The following MRPL48 variants were observed in gnomAD, a reference collection of about 807,000 sequenced individuals.
The protein encoded by MRPL48 is large ribosomal subunit protein mL48.
In MRPL48, 16 loss-of-function variants were observed where a neutral mutation model predicts 32.9. That is an observed-to-expected ratio of 0.49 (90% CI 0.33 to 0.74). The LOEUF (loss-of-function observed/expected upper bound fraction) is 0.74. Among genes scored for constraint, MRPL48 ranks in the 30% least tolerant of loss-of-function variants. The pLI is 0.02. For synonymous variants in MRPL48, 94 were observed against 89.2 expected, an observed-to-expected ratio of 1.05 and a Z score of -0.31; for missense variants, 206 against 245.3, an observed-to-expected ratio of 0.84 and a Z score of 1.07.
intron 5 of MRPL48, among the ~76,000 whole-genome samples, chr11:73,858,705 G>C (rs953320514): frequency 6.6e-6 from 1 of 152,182 alleles, no homozygotes; most frequent in African/African-American, 2.4e-5. Flanking sequence ...TGAACTTTTT[G>C]ATAAGATGAA....
chr11:73,830,700 AC>A (rs1947977201), intron 4 of MRPL48, among the ~76,000 whole-genome samples: 1 of 151,918 alleles, frequency 6.6e-6, no homozygotes, highest in African/African-American at 2.4e-5. Flanking sequence ...AAAGTATCCA[AC>A]CCTTGTCCCA....
intron 3 of MRPL48, among the ~76,000 whole-genome samples, chr11:73,821,205 A>G (rs1214617199): frequency 6.6e-6 from 1 of 151,790 alleles, no homozygotes; most frequent in African/African-American, 2.4e-5. Flanking sequence ...TATGTTGCCC[A>G]GCTGGTCTTA....
chr11:73,859,831 A>G, intron 5 of MRPL48, 76 bp from the exon 6 acceptor site: 5 of 1,229,770 alleles, frequency 4.1e-6, no homozygotes, highest in East Asian at 4.7e-5. Flanking sequence ...TAGTGGCTAT[A>G]CTCATGGACT....
intron 5 of MRPL48, among the ~76,000 whole-genome samples, chr11:73,845,940 C>T (rs1311935631): frequency 6.6e-6 from 1 of 151,412 alleles, no homozygotes; most frequent in Non-Finnish European, 1.5e-5. Flanking sequence ...CAGTGGTGCA[C>T]GCCTGTAGTC....
intron 2 of MRPL48, 134 bp from the exon 3 acceptor site, chr11:73,808,178 TG>T: frequency 1.1e-6 from 1 of 882,906 alleles, no homozygotes; most frequent in Non-Finnish European, 1.7e-6. Flanking sequence ...TTAAAGTTTG[TG>T]GAAGGAAGAA....
chr11:73,834,632 C>G (rs555680433), intron 4 of MRPL48, among the ~76,000 whole-genome samples: 5 of 150,940 alleles, frequency 3.3e-5, no homozygotes, highest in Admixed American at 2.6e-4. Context: ...CTCCCGGGTT[C>G]AAGTGATTCT....
chr11:73,848,782 A>G (rs1948340071), intron 5 of MRPL48, among the ~76,000 whole-genome samples: 1 of 151,982 alleles, frequency 6.6e-6, no homozygotes. Context: ...CTTAAATAAC[A>G]TTAAATCCCA....
intron 4 of MRPL48, among the ~76,000 whole-genome samples, chr11:73,844,167 C>T (rs1948243336): frequency 6.6e-6 from 1 of 151,794 alleles, no homozygotes; most frequent in Non-Finnish European, 1.5e-5. Context: ...GTGGTGCTCA[C>T]ACCTGTAATC....
At chr11:73,806,342 C>G (rs986516638) in intron 2 of MRPL48, among the ~76,000 whole-genome samples, 7 of 152,218 alleles carry the variant, frequency 4.6e-5, no homozygotes, top group African/African-American at 1.7e-4. Context: ...ATAATCTAAG[C>G]ACCTTCCCAC....
chr11:73,797,597 G>T (rs545567845), intron 1 of MRPL48, among the ~76,000 whole-genome samples: 1 of 152,340 alleles, frequency 6.6e-6, no homozygotes, highest in South Asian at 2.1e-4. Flanking sequence ...GAGAGCCAGT[G>T]CCTGTGCCAG....
chr11:73,863,067 T>A (rs1305306222), intron 6 of MRPL48, 105 bp from the exon 7 acceptor site: 2 of 962,736 alleles, frequency 2.1e-6, no homozygotes, highest in African/African-American at 3.3e-5. Context: ...ACGCTTGGGC[T>A]CTCCAGACTC....
chr11:73,794,369 A>G (rs535081952), intron 1 of MRPL48, among the ~76,000 whole-genome samples: 14 of 152,014 alleles, frequency 9.2e-5, no homozygotes, highest in African/African-American at 2.4e-4. Context: ...CAGCCTGACC[A>G]ACATGGAGAA....
chr11:73,853,676 GCTT>G (rs1170287023), intron 5 of MRPL48, among the ~76,000 whole-genome samples: 13 of 127,098 alleles, frequency 1.0e-4, no homozygotes, highest in African/African-American at 2.4e-4. Flanking sequence ...ATTAGAGATA[GCTT>G]CTTTTTTTTT....
intron 4 of MRPL48, among the ~76,000 whole-genome samples, chr11:73,829,441 A>G (rs1044938554): frequency 6.6e-6 from 1 of 151,514 alleles, no homozygotes; most frequent in Non-Finnish European, 1.5e-5. Flanking sequence ...ATCCTGGCCC[A>G]CTGCCCCTTG....
At chr11:73,830,342 G>A (rs1947970837) in intron 4 of MRPL48, among the ~76,000 whole-genome samples, 1 of 152,166 alleles carries the variant, frequency 6.6e-6, no homozygotes, top group Admixed American at 6.6e-5. Context: ...AGGGTTGTAG[G>A]CTTTTCTCTG....
chr11:73,818,820 A>G (rs926936092), intron 3 of MRPL48, among the ~76,000 whole-genome samples: 10 of 152,260 alleles, frequency 6.6e-5, no homozygotes, highest in Admixed American at 1.3e-4. Context: ...TTTAATGAAC[A>G]AGAACATTGA....
At chr11:73,861,007 G>A (rs929503083) in intron 6 of MRPL48, among the ~76,000 whole-genome samples, 1 of 152,018 alleles carries the variant, frequency 6.6e-6, no homozygotes, top group Non-Finnish European at 1.5e-5. Flanking sequence ...TGTTTTCAAG[G>A]TTCATCTCTG....
chr11:73,792,175 C>T (rs1220286703), intron 1 of MRPL48, among the ~76,000 whole-genome samples: 1 of 152,194 alleles, frequency 6.6e-6, no homozygotes, highest in African/African-American at 2.4e-5. Flanking sequence ...ATAAGGCATT[C>T]ATGCTGATAT....
chr11:73,836,955 A>G (rs1463125351), intron 4 of MRPL48, among the ~76,000 whole-genome samples: 1 of 152,222 alleles, frequency 6.6e-6, no homozygotes, highest in African/African-American at 2.4e-5. Flanking sequence ...TACCCCAGTC[A>G]GAGCCAGGCC....
Sources: allele counts gnomAD v4.1 joint callset (sites outside exome capture counted in the v4.1 genomes callset), GRCh38; gene constraint gnomAD v4.1.1; transcripts MANE v1.5; gene names NCBI Gene and HGNC (gene_info 2026-07-23, HGNC 2026-07-21).